Variants in ARK2N observed in about 807,000 individuals in gnomAD.
The protein encoded by ARK2N is protein ARK2N.
chr18:46,183,418 G>T, the ARK2N span, among the ~76,000 whole-genome samples: 1 of 152,152 alleles, frequency 6.6e-6, no homozygotes, highest in Non-Finnish European at 1.5e-5. Context: ...TTTTGCAGGG[G>T]ATGAGGGGAA....
At chr18:46,244,415 G>A in the ARK2N span, among the ~76,000 whole-genome samples, 1 of 151,872 alleles carries the variant, frequency 6.6e-6, no homozygotes, top group Non-Finnish European at 1.5e-5. Context: ...AATAGGGATG[G>A]TAATCTTGAT....
At chr18:46,201,050 G>A in the ARK2N span, among the ~76,000 whole-genome samples, 1 of 148,648 alleles carries the variant, frequency 6.7e-6, no homozygotes, top group Non-Finnish European at 1.5e-5. Context: ...TATGATCACA[G>A]CTCACTGCAT....
At chr18:46,261,811 C>G in the ARK2N span, among the ~76,000 whole-genome samples, 5 of 152,106 alleles carry the variant, frequency 3.3e-5, no homozygotes, top group Admixed American at 3.3e-4. Flanking sequence ...CAGATTAAGC[C>G]TTTGTAGGAG....
the ARK2N span, chr18:46,253,907 C>A: frequency 7.0e-7 from 1 of 1,429,906 alleles, no homozygotes; most frequent in South Asian, 1.4e-5. Context: ...AAATGGTAGA[C>A]TTTATGGCAT....
chr18:46,207,460 G>C, the ARK2N span, among the ~76,000 whole-genome samples: 1 of 145,676 alleles, frequency 6.9e-6, no homozygotes, highest in African/African-American at 2.5e-5. Flanking sequence ...TGTGGTCTCA[G>C]CTCACTGCAA....
chr18:46,244,601 A>ATTTTTTTTTTTTTTTTTTTTTT, the ARK2N span, among the ~76,000 whole-genome samples: 1 of 93,866 alleles, frequency 1.1e-5, no homozygotes, highest in African/African-American at 4.2e-5. Context: ...AAGAGTTTAG[A>ATTTTTTTTTTTTTTTTTTTTTT]TTTTTTTTTT....
the ARK2N span, among the ~76,000 whole-genome samples, chr18:46,227,075 T>C: frequency 2.0e-5 from 3 of 152,190 alleles, no homozygotes; most frequent in African/African-American, 2.4e-5. Context: ...TCCCAAAGTG[T>C]TGGGATTACA....
the ARK2N span, among the ~76,000 whole-genome samples, chr18:46,244,601 A>ACTTTTTTTTTTTTTT: frequency 1.1e-5 from 1 of 93,838 alleles, no homozygotes; most frequent in Non-Finnish European, 2.0e-5. Context: ...AAGAGTTTAG[A>ACTTTTTTTTTTTTTT]TTTTTTTTTT....
the ARK2N span, chr18:46,240,305 ATGAT>A: frequency 1.1e-5 from 13 of 1,137,324 alleles, no homozygotes; most frequent in Non-Finnish European, 1.6e-5. Context: ...CTGGCATTGA[ATGAT>A]TGGTTGTGAC....
the ARK2N span, among the ~76,000 whole-genome samples, chr18:46,197,866 C>G: frequency 6.6e-6 from 1 of 152,142 alleles, no homozygotes; most frequent in Non-Finnish European, 1.5e-5. Flanking sequence ...ACTTTCACCT[C>G]TTTTATATTT....
the ARK2N span, among the ~76,000 whole-genome samples, chr18:46,255,392 G>GTTTTTC: frequency 0.026 from 3,695 of 143,962 alleles, 165 homozygotes; most frequent in African/African-American, 0.091. Flanking sequence ...GGCTGCTTCA[G>GTTTTTC]TTTTTCTTTT....
the ARK2N span, among the ~76,000 whole-genome samples, chr18:46,259,483 C>T: frequency 6.6e-6 from 1 of 152,018 alleles, no homozygotes; most frequent in African/African-American, 2.4e-5. Flanking sequence ...ACCCCATGAT[C>T]CGCCTACCTC....
At chr18:46,261,883 T>C in the ARK2N span, among the ~76,000 whole-genome samples, 15 of 152,192 alleles carry the variant, frequency 9.9e-5, no homozygotes, top group Non-Finnish European at 1.8e-4. Flanking sequence ...ATCGTGTCCA[T>C]TGTTACCCTA....
chr18:46,216,163 C>T, the ARK2N span: 1 of 1,614,058 alleles, frequency 6.2e-7, no homozygotes, highest in Non-Finnish European at 8.5e-7. This position sits in a 1 kb window ranked among gnomAD's most constrained non-coding sequence, Gnocchi z 4.3. Flanking sequence ...TCACTGCATG[C>T]TTTCCCCTTC....
chr18:46,246,161 A>G, the ARK2N span, among the ~76,000 whole-genome samples: 9 of 152,274 alleles, frequency 5.9e-5, no homozygotes, highest in Admixed American at 5.2e-4. Flanking sequence ...GAAGAACCTC[A>G]TAGCATCTTT....
At chr18:46,256,003 A>G in the ARK2N span, among the ~76,000 whole-genome samples, 1 of 152,082 alleles carries the variant, frequency 6.6e-6, no homozygotes, top group African/African-American at 2.4e-5. Context: ...TATGATATAA[A>G]TTATCCTTTT....
chr18:46,246,301 A>G, the ARK2N span, among the ~76,000 whole-genome samples: 3 of 152,200 alleles, frequency 2.0e-5, no homozygotes, highest in Non-Finnish European at 2.9e-5. Context: ...GTCAGGTTCT[A>G]TACTGGAGCT....
the ARK2N span, among the ~76,000 whole-genome samples, chr18:46,259,855 C>T: frequency 3.5e-5 from 5 of 141,392 alleles, no homozygotes; most frequent in Non-Finnish European, 7.7e-5. Flanking sequence ...AGGCTGGTGT[C>T]GAACTTGTGA....
the ARK2N span, chr18:46,231,790 TG>T: frequency 2.0e-5 from 3 of 152,272 alleles, no homozygotes; most frequent in African/African-American, 7.2e-5. Context: ...GTTTTGCTCT[TG>T]TTGCCCAGGC....
Sources: allele counts gnomAD v4.1 joint callset (sites outside exome capture counted in the v4.1 genomes callset), GRCh38; gene constraint gnomAD v4.1.1; non-coding constraint Gnocchi (gnomAD v3.1); transcripts MANE v1.5; gene names NCBI Gene and HGNC (gene_info 2026-07-23, HGNC 2026-07-21).